HTT: variants seen among roughly 807,000 people sequenced by gnomAD.
The protein encoded by HTT is huntingtin.
Under a neutral mutation model 362.3 loss-of-function variants are expected in HTT, and 104 were observed. The observed-to-expected ratio is 0.29, with a 90% CI of 0.24 to 0.34. The LOEUF (loss-of-function observed/expected upper bound fraction) is 0.34. HTT is among the 10% of genes least tolerant of loss of function. The pLI is 1.00. For missense variants in HTT, 3,301 were observed against 3,928.6 expected (o/e 0.84, Z 4.27); for synonymous variants, 1,577 against 1,548.7 (o/e 1.02, Z -0.43).
At chr4:3,146,463 T>TA (rs1716608586) in intron 24 of HTT, among the ~76,000 whole-genome samples, 1 of 152,236 alleles carries the variant, frequency 6.6e-6, no homozygotes, top group African/African-American at 2.4e-5. Context: ...TGTGCCTGTT[T>TA]ACTCAATGGC....
At chr4:3,150,355 TATTGGGC>T (rs1315119782) in intron 26 of HTT, among the ~76,000 whole-genome samples, 1 of 152,328 alleles carries the variant, frequency 6.6e-6, no homozygotes, top group East Asian at 1.9e-4. Context: ...GTGGCTCCAG[TATTGGGC>T]AGGGCAGCCT....
At chr4:3,085,232 G>C (rs1578485079) in intron 1 of HTT, among the ~76,000 whole-genome samples, 1 of 151,902 alleles carries the variant, frequency 6.6e-6, no homozygotes, top group East Asian at 2.0e-4. Flanking sequence ...CTGCCTCCTG[G>C]GTTCAAGCAG....
intron 33 of HTT, among the ~76,000 whole-genome samples, chr4:3,176,267 T>G (rs979660108): frequency 2.0e-5 from 3 of 152,174 alleles, no homozygotes; most frequent in Non-Finnish European, 4.4e-5. Flanking sequence ...GACCTCGTGA[T>G]CTGCCCGCCT....
intron 25 of HTT, among the ~76,000 whole-genome samples, chr4:3,147,169 C>T (rs1716643489): frequency 6.6e-6 from 1 of 152,164 alleles, no homozygotes; most frequent in African/African-American, 2.4e-5. Context: ...CCAATATAGC[C>T]CCTCAGTTAA....
At chr4:3,162,684 G>A (rs972140301) in intron 29 of HTT, among the ~76,000 whole-genome samples, 1 of 152,140 alleles carries the variant, frequency 6.6e-6, no homozygotes, top group African/African-American at 2.4e-5. Flanking sequence ...TCCCTTAGTA[G>A]CATTTGTGAA....
At chr4:3,217,137 G>A (rs567789287) in intron 51 of HTT, among the ~76,000 whole-genome samples, 3 of 152,244 alleles carry the variant, frequency 2.0e-5, no homozygotes, top group East Asian at 3.9e-4. Flanking sequence ...GTAGAATCTC[G>A]TGGCCTGTGG....
At chr4:3,223,891 ACCAGGTT>A in intron 55 of HTT, 94 bp from the exon 56 acceptor site, 1 of 1,241,748 alleles carries the variant, frequency 8.1e-7, no homozygotes, top group Non-Finnish European at 1.2e-6. Flanking sequence ...TTGGTATTAC[ACCAGGTT>A]CCTTTAGGCA....
intron 40 of HTT, among the ~76,000 whole-genome samples, chr4:3,193,964 G>T (rs1473587688): frequency 6.6e-6 from 1 of 152,134 alleles, no homozygotes; most frequent in Non-Finnish European, 1.5e-5. Flanking sequence ...GTGTGTTTCT[G>T]TCTTCTTGTT....
At chr4:3,239,296 CT>C (rs1721697024) in intron 66 of HTT, among the ~76,000 whole-genome samples, 1 of 152,198 alleles carries the variant, frequency 6.6e-6, no homozygotes, top group South Asian at 2.1e-4. Flanking sequence ...CTCGCGGGCT[CT>C]GTGTGGCTGG....
At chr4:3,225,506 A>C (rs1482215698) in intron 56 of HTT, among the ~76,000 whole-genome samples, 155 bp from the exon 57 acceptor site, 1 of 152,236 alleles carries the variant, frequency 6.6e-6, no homozygotes, top group Non-Finnish European at 1.5e-5. Context: ...CAAGACCCAC[A>C]GGGCTCTGCA....
At chr4:3,122,683 T>A (rs916120711) in intron 9 of HTT, among the ~76,000 whole-genome samples, 4 of 152,246 alleles carry the variant, frequency 2.6e-5, no homozygotes, top group Non-Finnish European at 5.9e-5. Context: ...ATTTCTTAGG[T>A]CATATCTTTA....
chr4:3,183,036 A>G (rs1353903044), intron 37 of HTT, among the ~76,000 whole-genome samples: 1 of 152,014 alleles, frequency 6.6e-6, no homozygotes, highest in African/African-American at 2.4e-5. Context: ...GTGCACCACT[A>G]CGCCTGGCTA....
At chr4:3,172,591 C>A (rs760004384) in intron 30 of HTT, among the ~76,000 whole-genome samples, 194 bp downstream of exon 30, 4 of 152,194 alleles carry the variant, frequency 2.6e-5, no homozygotes, top group Non-Finnish European at 5.9e-5. Flanking sequence ...AGGACGAGGT[C>A]TGTCACTGTG....
intron 63 of HTT, 35 bp downstream of exon 63, chr4:3,235,813 A>G: frequency 6.5e-7 from 1 of 1,528,152 alleles, no homozygotes; most frequent in South Asian, 1.1e-5. Context: ...AGGCCAGCCC[A>G]AGTCCTGTTC....
chr4:3,168,082 C>T (rs530687666), intron 29 of HTT, among the ~76,000 whole-genome samples: 1 of 152,336 alleles, frequency 6.6e-6, no homozygotes, highest in South Asian at 2.1e-4. Context: ...CTTGTTTGCA[C>T]TTGGCCCCTG....
chr4:3,188,095 C>G (rs1435297473), intron 39 of HTT: 1 of 512,920 alleles, frequency 1.9e-6, no homozygotes. Flanking sequence ...TGTTCTGTCT[C>G]TTGTCCTCAG....
chr4:3,156,482 T>C (rs1444130846), intron 27 of HTT, among the ~76,000 whole-genome samples: 3 of 152,216 alleles, frequency 2.0e-5, no homozygotes, highest in Admixed American at 2.0e-4. Flanking sequence ...AAGATTGACC[T>C]GTTGAAAAGC....
rs759011279 is a variant in HTT, at chr4:3,187,922, C to G, written c.5225+36C>G. On this transcript the variant is annotated intron_variant, in intron 39 of 66. Coordinates refer to ENST00000355072, the MANE Select transcript of HTT (RefSeq NM_001388492.1). ...TATCTGAGCCTATAACTAACCCATG[C>G]CTTTTGGGAAGTCACGTGATGTTTC... 31 of 1,311,392 alleles carry G rather than the reference C, an allele frequency of 2.4e-5. No individual in the cohort carries two copies. The African/African-American group carries it at 4.0e-4, about 17-fold the overall frequency. 81.2% of individuals were successfully genotyped at this position (1,311,392 alleles called of 1,614,324 possible).
At chr4:3,179,897 G>T (rs757546059) in intron 35 of HTT, among the ~76,000 whole-genome samples, 1 of 151,784 alleles carries the variant, frequency 6.6e-6, no homozygotes, top group Admixed American at 6.6e-5. Context: ...TCACTGAGGG[G>T]TCAGTGTTCC....
Sources: allele counts gnomAD v4.1 joint callset (sites outside exome capture counted in the v4.1 genomes callset), GRCh38; gene constraint gnomAD v4.1.1; transcripts MANE v1.5; gene names NCBI Gene and HGNC (gene_info 2026-07-23, HGNC 2026-07-21).